OSBP2: variants seen among roughly 807,000 people sequenced by gnomAD.
OSBP2 encodes the protein oxysterol binding protein 2, also known as oxysterol-binding protein 2.
OSBP2 carries 66 observed loss-of-function variants against 96.0 expected under a neutral mutation model. The ratio of observed to expected loss-of-function variants is 0.69; its 90% CI spans 0.56 to 0.84. OSBP2 has a LOEUF of 0.84. Among genes scored for constraint, OSBP2 ranks in the 40% least tolerant of loss-of-function variants. The pLI is 0.00. For synonymous variants in OSBP2, 525 were observed against 520.9 expected (o/e 1.01, Z -0.11); for missense variants, 1,038 against 1,222.7 (o/e 0.85, Z 2.25).
chr22:30,753,891 T>C (rs1386126827), intron 2 of OSBP2, among the ~76,000 whole-genome samples: 1 of 152,210 alleles, frequency 6.6e-6, no homozygotes, highest in African/African-American at 2.4e-5. Flanking sequence ...TGCAGTGGCC[T>C]TTTCTCCAGC....
intron 2 of OSBP2, among the ~76,000 whole-genome samples, chr22:30,821,931 G>T (rs554942534): frequency 6.6e-6 from 1 of 152,378 alleles, no homozygotes; most frequent in African/African-American, 2.4e-5. Context: ...CCTGTGGGCA[G>T]CTGGACAGTG....
intron 2 of OSBP2, chr22:30,822,834 G>C (rs2038310607): frequency 1.3e-6 from 1 of 778,034 alleles, no homozygotes; most frequent in East Asian, 3.3e-5. Flanking sequence ...GCGGCGTGGG[G>C]AGCGCGGGGA....
chr22:30,751,892 A>G (rs1034131543), intron 2 of OSBP2, among the ~76,000 whole-genome samples: 12 of 152,214 alleles, frequency 7.9e-5, no homozygotes, highest in African/African-American at 2.4e-4. Flanking sequence ...ACCTCTAGAA[A>G]GACATTCACC....
chr22:30,747,667 C>T (rs1388628007), intron 2 of OSBP2, among the ~76,000 whole-genome samples: 1 of 152,100 alleles, frequency 6.6e-6, no homozygotes, highest in Non-Finnish European at 1.5e-5. Context: ...AGCCTCCTTT[C>T]CTCCTCTTCC....
At chr22:30,906,152 GCAGGC>G in intron 13 of OSBP2, 40 bp from the exon 14 acceptor site, 1 of 1,612,862 alleles carries the variant, frequency 6.2e-7, no homozygotes, top group Non-Finnish European at 8.5e-7. Flanking sequence ...TTCCGGGGGA[GCAGGC>G]CACAAGCCCA....
intron 12 of OSBP2, among the ~76,000 whole-genome samples, chr22:30,905,301 G>A (rs1382229367): frequency 6.6e-6 from 1 of 151,642 alleles, no homozygotes; most frequent in East Asian, 2.0e-4. Context: ...ACAGGTGCCT[G>A]CCACCATGCC....
chr22:30,865,501 G>C (rs5753358), intron 2 of OSBP2, among the ~76,000 whole-genome samples: 1 of 151,560 alleles, frequency 6.6e-6, no homozygotes, highest in Non-Finnish European at 1.5e-5. Context: ...GTGTTGTGAC[G>C]CATGCCTGTA....
At chr22:30,743,331 G>T (rs926340) in intron 2 of OSBP2, among the ~76,000 whole-genome samples, 2 of 152,082 alleles carry the variant, frequency 1.3e-5, no homozygotes, top group African/African-American at 4.8e-5. Flanking sequence ...AACCAGTCTG[G>T]CTTTCTCTTT....
At chr22:30,748,159 G>A (rs1315775475) in intron 2 of OSBP2, among the ~76,000 whole-genome samples, 1 of 150,518 alleles carries the variant, frequency 6.6e-6, no homozygotes, top group Non-Finnish European at 1.5e-5. Context: ...TTACAGCCAT[G>A]AGCCACCACA....
chr22:30,857,256 G>T (rs2039098157), intron 2 of OSBP2, among the ~76,000 whole-genome samples: 1 of 152,200 alleles, frequency 6.6e-6, no homozygotes. Context: ...GGCCTGGAGG[G>T]CTAGTGCTTG....
intron 2 of OSBP2, among the ~76,000 whole-genome samples, chr22:30,866,253 C>T (rs2039333905): frequency 6.6e-6 from 1 of 152,188 alleles, no homozygotes; most frequent in Non-Finnish European, 1.5e-5. Context: ...ATCACTGGAT[C>T]AGAGAGAGTA....
At chr22:30,803,673 G>A (rs2090887145) in intron 2 of OSBP2, among the ~76,000 whole-genome samples, 1 of 152,194 alleles carries the variant, frequency 6.6e-6, no homozygotes, top group Non-Finnish European at 1.5e-5. Context: ...TCCAGTCTCC[G>A]TAGGCACCTG....
intron 2 of OSBP2, among the ~76,000 whole-genome samples, chr22:30,747,410 G>A (rs1228911683): frequency 6.6e-6 from 1 of 152,164 alleles, no homozygotes; most frequent in Non-Finnish European, 1.5e-5. Context: ...GAGCCCATAA[G>A]TTTGAGGTTG....
At chr22:30,796,319 T>G (rs1303471338) in intron 2 of OSBP2, among the ~76,000 whole-genome samples, 1 of 152,138 alleles carries the variant, frequency 6.6e-6, no homozygotes, top group Non-Finnish European at 1.5e-5. Context: ...CAGGGTTGAA[T>G]TTGTTTTTCT....
At chr22:30,879,101 C>T (rs991485905) in intron 3 of OSBP2, among the ~76,000 whole-genome samples, 2 of 152,184 alleles carry the variant, frequency 1.3e-5, no homozygotes, top group African/African-American at 4.8e-5. Context: ...CATGCTGAGG[C>T]TTCTCTGAGG....
intron 12 of OSBP2, among the ~76,000 whole-genome samples, chr22:30,903,304 C>G (rs1486919175): frequency 6.6e-6 from 1 of 152,216 alleles, no homozygotes; most frequent in Non-Finnish European, 1.5e-5. Flanking sequence ...TGTTGGTATT[C>G]AGCTGTGATG....
chr22:30,704,516 GAT>G (rs1491236138), intron 1 of OSBP2, among the ~76,000 whole-genome samples: 1 of 132,654 alleles, frequency 7.5e-6, no homozygotes, highest in Admixed American at 8.1e-5. Flanking sequence ...AAGGAAAGCA[GAT>G]TTTTTTTTTT....
chr22:30,718,129 G>A (rs2089492590), intron 1 of OSBP2, among the ~76,000 whole-genome samples: 1 of 152,150 alleles, frequency 6.6e-6, no homozygotes, highest in African/African-American at 2.4e-5. Flanking sequence ...GCTTGAGCCT[G>A]CACACCCTCA....
intron 1 of OSBP2, among the ~76,000 whole-genome samples, chr22:30,734,449 G>C (rs2089822751): frequency 6.6e-6 from 1 of 152,214 alleles, no homozygotes; most frequent in Non-Finnish European, 1.5e-5. Context: ...CAGGTCTATA[G>C]TGTACTGTGA....
Sources: gnomAD v4.1 joint callset for allele counts (sites outside exome capture counted in the v4.1 genomes callset) on GRCh38, gnomAD v4.1.1 for gene constraint, MANE v1.5 for transcripts, NCBI Gene and HGNC (gene_info 2026-07-23, HGNC 2026-07-21) for gene names.